Variants in CBFA2T3 observed in about 807,000 individuals in gnomAD.
CBFA2T3 encodes the protein transcriptional corepressor CBFA2T3.
A neutral mutation model predicts 58.6 loss-of-function variants in CBFA2T3; 31 were observed. That is an observed-to-expected ratio of 0.53 (90% CI 0.40 to 0.71). The LOEUF is 0.71. CBFA2T3 is among the 30% of genes least tolerant of loss of function. The pLI, the probability that CBFA2T3 is intolerant of heterozygous loss-of-function variation, is 0.00. For synonymous variants in CBFA2T3, 531 were observed against 421.9 expected (o/e 1.26, Z -3.17); for missense variants, 1,076 against 963.1 (o/e 1.12, Z -1.55).
At chr16:88,893,023 C>T (rs11076736) in intron 3 of CBFA2T3, among the ~76,000 whole-genome samples, 185 of 152,270 alleles carry the variant, frequency 1.2e-3, no homozygotes, top group Non-Finnish European at 2.0e-3. Flanking sequence ...CTCCACACGT[C>T]GGGGGCTTGA....
chr16:88,896,829 C>T (rs1184437655), intron 3 of CBFA2T3, among the ~76,000 whole-genome samples: 12 of 152,196 alleles, frequency 7.9e-5, no homozygotes, highest in Admixed American at 7.8e-4. Context: ...GTGCGCTTAC[C>T]AGCCTTGCCC....
intron 1 of CBFA2T3, among the ~76,000 whole-genome samples, chr16:88,925,748 T>C (rs1435429628): frequency 6.6e-6 from 1 of 152,170 alleles, no homozygotes; most frequent in Non-Finnish European, 1.5e-5. Context: ...CCTGCGTGTG[T>C]GGAGATGGCA....
chr16:88,911,350 G>T lies in CBFA2T3; in HGVS notation c.152-9694C>A, dbSNP rs193094140. Among the ~76,000 whole-genome samples the T allele has an allele frequency of 9.1e-3, 1,383 of 152,384 alleles. 14 individuals are homozygous for T. Among genetic ancestry groups the T allele is most frequent in the Non-Finnish European group, 0.015 (1,017 of 68,038 alleles). ...GCTGTGTGAACTGACTGTGAACTCG[G>T]GGTGGGGGCCGTCCCCAAATGTGTA... On this transcript the variant is annotated intron_variant, in intron 1 of 11. Coordinates refer to ENST00000268679, the MANE Select transcript of CBFA2T3 (RefSeq NM_005187.6).
In CBFA2T3 at chr16:88,879,382, T is replaced by C; in HGVS notation, c.1550A>G (p.His517Arg). The change falls in exon 11 of 12, where the codon CAC (histidine) becomes CGC (arginine). Residue 517 changes from histidine to arginine, a missense_variant. Transcript: ENST00000268679. The part of the protein sequence containing the change: ...KAVSDAERKA[H>R]ELITTERAKM... ...GGCACGCTCCGTGGTGATGAGCTCG[T>C]GCGCTTTGCGCTCCGCGTCCGACAC... 6.2e-7 allele frequency: 1 copy of C among 1,613,178 alleles called. No homozygotes were observed. The highest frequency in any genetic ancestry group is 8.5e-7 in the Non-Finnish European group (1 of 1,179,834).
chr16:88,953,641 G>C lies in CBFA2T3; in HGVS notation c.151+23016C>G, dbSNP rs1020439889. ...GGCCGGGACGATGACGAGGTGAGGT[G>C]TCTGCTCCCAGGCTGTGTGTGGCTT... is the stretch of plus-strand genomic sequence containing the variant. On this transcript the variant is annotated intron_variant, in intron 1 of 11. Transcript: ENST00000268679. The surrounding 1 kb of genome is among the most constrained non-coding windows in gnomAD (Gnocchi z 4.9). Among the ~76,000 whole-genome samples the C allele has an allele frequency of 2.0e-5, 3 of 152,158 alleles. No individual in the cohort carries two copies. Among genetic ancestry groups the C allele is most frequent in the African/African-American group, 7.2e-5 (3 of 41,420 alleles).
intron 5 of CBFA2T3, among the ~76,000 whole-genome samples, chr16:88,890,670 C>T (rs569139130): frequency 2.0e-5 from 3 of 152,292 alleles, no homozygotes; most frequent in South Asian, 2.1e-4. Context: ...TCTGTGTGTG[C>T]GTGGGAATCA....
chr16:88,967,155 C>A (rs1290629463), intron 1 of CBFA2T3, among the ~76,000 whole-genome samples: 1 of 129,390 alleles, frequency 7.7e-6, no homozygotes, highest in Non-Finnish European at 1.7e-5. Flanking sequence ...CGCGGCAGCA[C>A]CATGCCACCC....
intron 1 of CBFA2T3, among the ~76,000 whole-genome samples, chr16:88,956,204 C>T (rs1174090127): frequency 6.6e-6 from 1 of 152,288 alleles, no homozygotes; most frequent in Non-Finnish European, 1.5e-5. Flanking sequence ...CATGTAGAGC[C>T]TCCAGACAGA....
At chr16:88,919,741 G>C (rs1970851452) in intron 1 of CBFA2T3, among the ~76,000 whole-genome samples, 1 of 152,176 alleles carries the variant, frequency 6.6e-6, no homozygotes, top group Non-Finnish European at 1.5e-5. Context: ...AGAAAGACAA[G>C]GATGGTGCCT....
At chr16:88,929,434 C>T (rs994632802) in intron 1 of CBFA2T3, among the ~76,000 whole-genome samples, 5 of 152,234 alleles carry the variant, frequency 3.3e-5, no homozygotes, top group African/African-American at 4.8e-5. Flanking sequence ...CCCTTGAAAC[C>T]CCGTGGACAA....
At chr16:88,915,818 G>T (rs1970699420) in intron 1 of CBFA2T3, among the ~76,000 whole-genome samples, 1 of 151,838 alleles carries the variant, frequency 6.6e-6, no homozygotes, top group Non-Finnish European at 1.5e-5. Flanking sequence ...CGGGCGCCCT[G>T]GTGGGCTGTG....
At chr16:88,973,514 A>G (rs576958793) in intron 1 of CBFA2T3, among the ~76,000 whole-genome samples, 89 of 152,230 alleles carry the variant, frequency 5.8e-4, no homozygotes, top group Non-Finnish European at 1.0e-3. Flanking sequence ...GCCCCAGGAG[A>G]TAGAAACACC....
intron 1 of CBFA2T3, among the ~76,000 whole-genome samples, chr16:88,910,110 AC>A (rs1309853800): frequency 1.3e-5 from 2 of 151,766 alleles, no homozygotes; most frequent in Non-Finnish European, 2.9e-5. Context: ...CACACGCACT[AC>A]CCCACACCCG....
At chr16:88,918,382 T>C (rs1415904823) in intron 1 of CBFA2T3, among the ~76,000 whole-genome samples, 2 of 152,186 alleles carry the variant, frequency 1.3e-5, no homozygotes, top group Non-Finnish European at 2.9e-5. Flanking sequence ...CTGATCCCCC[T>C]GCCTTCGCAG....
At position 88,886,113 on chromosome 16, in the gene CBFA2T3, G is replaced by A. The variant is rs373628421; in HGVS notation, c.741C>T (p.Leu247=). ...KANLPLLQRE[L]LHCARLAKQT... is the part of the protein sequence containing the mutation. ...GCTTGGCCAGGCGTGCACAGTGCAG[G>A]AGCTCCCGCTGCAGCAAGGGCAGGT... The change falls in exon 6 of 12, where the codon CTC becomes CTT. Residue 247 remains leucine (L), a synonymous_variant. Transcript: ENST00000268679. 3.4e-5 allele frequency: 53 copies of A among 1,561,352 alleles called. No homozygotes were observed. In the African/African-American group the frequency reaches 6.9e-4, roughly 20 times the overall value.
chr16:88,924,683 T>C (rs538117800), intron 1 of CBFA2T3, among the ~76,000 whole-genome samples: 25 of 152,260 alleles, frequency 1.6e-4, no homozygotes, highest in African/African-American at 5.3e-4. Flanking sequence ...GAGGTCACTC[T>C]CGTCAGACAG....
chr16:88,938,882 G>C (rs1971603448), intron 1 of CBFA2T3: 1 of 152,202 alleles, frequency 6.6e-6, no homozygotes, highest in African/African-American at 2.4e-5. Context: ...CAGCAGGGAA[G>C]GGGGGAGGCC....
At chr16:88,945,801 A>G (rs1312599818) in intron 1 of CBFA2T3, among the ~76,000 whole-genome samples, 1 of 152,254 alleles carries the variant, frequency 6.6e-6, no homozygotes, top group Non-Finnish European at 1.5e-5. Flanking sequence ...GCCACCCAGC[A>G]TTCACGTTTC....
At position 88,876,816 on chromosome 16, in the gene CBFA2T3, G is replaced by A. The variant is rs1362516120; in HGVS notation, c.*160C>T. 28 of 542,956 alleles carry A rather than the reference G, an allele frequency of 5.2e-5. 1 individual carries two copies. In the South Asian group the frequency reaches 7.8e-4, roughly 15 times the overall value. The allele number at this position is 542,956 out of a possible 1,614,324, so 33.6% of individuals were successfully genotyped here. A position where few individuals can be genotyped will look rare whatever the true frequency, so the allele number is the denominator to read the frequency against. ...TTGGTTCTGTGTCTTCTTTCGGAGA[G>A]GGGCAGTAGCAGCAGTGACTAATTG... On this transcript the variant is annotated 3_prime_UTR_variant, in exon 12 of 12. Transcript: ENST00000268679.
Sources: allele counts gnomAD v4.1 joint callset (sites outside exome capture counted in the v4.1 genomes callset), GRCh38; gene constraint gnomAD v4.1.1; non-coding constraint Gnocchi (gnomAD v3.1); transcripts MANE v1.5; gene names NCBI Gene and HGNC (gene_info 2026-07-23, HGNC 2026-07-21).